Variants in KHDRBS2 observed in about 807,000 individuals in gnomAD.
The protein encoded by KHDRBS2 is KH RNA binding domain containing, signal transduction associated 2, also known as KH domain-containing, RNA-binding, signal transduction-associated protein 2.
A neutral mutation model predicts 44.3 loss-of-function variants in KHDRBS2; 26 were observed. The ratio of observed to expected loss-of-function variants is 0.59; its 90% CI spans 0.43 to 0.81. The LOEUF (loss-of-function observed/expected upper bound fraction) is 0.81, where lower values mean the gene tolerates loss of function less well. Among genes scored for constraint, KHDRBS2 ranks in the 40% least tolerant of loss-of-function variants. KHDRBS2 has a pLI of 0.00. For synonymous variants in KHDRBS2, 194 were observed against 151.1 expected, an observed-to-expected ratio of 1.28 and a Z score of -2.08; for missense variants, 476 against 433.1, an observed-to-expected ratio of 1.10 and a Z score of -0.88.
chr6:62,023,420 A>G (rs1782698380), intron 3 of KHDRBS2, among the ~76,000 whole-genome samples: 2 of 151,654 alleles, frequency 1.3e-5, no homozygotes, highest in Non-Finnish European at 3.0e-5. Flanking sequence ...AATTCATCAT[A>G]CAGACAATTT....
intron 2 of KHDRBS2, among the ~76,000 whole-genome samples, chr6:62,169,741 A>C (rs117759473): frequency 6.6e-6 from 1 of 152,000 alleles, no homozygotes; most frequent in African/African-American, 2.4e-5. Flanking sequence ...CACACTTCTA[A>C]ACTGAGGCAG....
chr6:61,621,640 G>T, the KHDRBS2 span, among the ~76,000 whole-genome samples: 1 of 152,198 alleles, frequency 6.6e-6, no homozygotes, highest in Non-Finnish European at 1.5e-5. Context: ...TTTTATACTT[G>T]TGGTGAACAC....
Position 61,970,525 on chromosome 6 carries a change from T to C in KHDRBS2, c.483+7541A>G, listed in dbSNP as rs531134964. Among the ~76,000 whole-genome samples, 7 of 152,198 alleles carry C rather than the reference T, an allele frequency of 4.6e-5. No individual in the cohort carries two copies. In the South Asian group the frequency reaches 1.2e-3, roughly 27 times the overall value. ...ACATGCAACACTGGATGCAGGAAGA[T>C]GGTAACCTAGCATTTAGAGATTACT... On this transcript the variant is annotated intron_variant, in intron 4 of 8. Transcript: ENST00000281156.
intron 4 of KHDRBS2, among the ~76,000 whole-genome samples, chr6:61,909,621 G>A (rs1805681352): frequency 6.6e-6 from 1 of 151,702 alleles, no homozygotes; most frequent in Non-Finnish European, 1.5e-5. Flanking sequence ...GACACCATAT[G>A]GTGTAAACAG....
intron 4 of KHDRBS2, among the ~76,000 whole-genome samples, chr6:61,918,047 C>T (rs753918839): frequency 3.3e-5 from 5 of 151,844 alleles, no homozygotes; most frequent in African/African-American, 7.3e-5. Flanking sequence ...TATGGCGCAT[C>T]GGCGAATGAT....
the KHDRBS2 span, among the ~76,000 whole-genome samples, chr6:61,584,060 C>T: frequency 6.6e-6 from 1 of 151,518 alleles, no homozygotes; most frequent in Non-Finnish European, 1.5e-5. Context: ...TCTTTGTATC[C>T]TGTGTCATTG....
intron 2 of KHDRBS2, among the ~76,000 whole-genome samples, chr6:62,058,400 C>T (rs1165499125): frequency 6.6e-6 from 1 of 151,886 alleles, no homozygotes; most frequent in Non-Finnish European, 1.5e-5. Flanking sequence ...CATCATATTC[C>T]TGATTTGGGG....
chr6:62,121,601 C>T (rs555864434), intron 2 of KHDRBS2, among the ~76,000 whole-genome samples: 1 of 152,298 alleles, frequency 6.6e-6, no homozygotes, highest in African/African-American at 2.4e-5. Context: ...AAGTAATCTG[C>T]CTTCAGCTGG....
chr6:61,776,930 C>T (rs1426762253), intron 6 of KHDRBS2, among the ~76,000 whole-genome samples: 2 of 152,116 alleles, frequency 1.3e-5, no homozygotes, highest in Admixed American at 6.6e-5. Context: ...AAATGTGGCA[C>T]ATATACACCA....
chr6:61,603,149 C>T, the KHDRBS2 span, among the ~76,000 whole-genome samples: 1 of 152,182 alleles, frequency 6.6e-6, no homozygotes, highest in Non-Finnish European at 1.5e-5. Flanking sequence ...TTGCCTGTTA[C>T]AGCATGGCCT....
At chr6:62,246,387 C>T (rs1835580868) in intron 1 of KHDRBS2, among the ~76,000 whole-genome samples, 1 of 151,776 alleles carries the variant, frequency 6.6e-6, no homozygotes, top group Admixed American at 6.6e-5. Flanking sequence ...ATAAGAAAAA[C>T]ATTCACTTCT....
At chr6:61,572,076 T>G in the KHDRBS2 span, among the ~76,000 whole-genome samples, 1 of 151,940 alleles carries the variant, frequency 6.6e-6, no homozygotes, top group Non-Finnish European at 1.5e-5. Flanking sequence ...ATCAGAAATA[T>G]TAACCAAACA....
chr6:62,063,260 T>C (rs1424456495), intron 2 of KHDRBS2, among the ~76,000 whole-genome samples: 2 of 146,936 alleles, frequency 1.4e-5, no homozygotes, highest in Non-Finnish European at 3.0e-5. Context: ...AAAGAGGGAA[T>C]CCTCCCTAAC....
At chr6:61,865,939 C>T (rs557330415) in intron 6 of KHDRBS2, among the ~76,000 whole-genome samples, 1 of 152,322 alleles carries the variant, frequency 6.6e-6, no homozygotes, top group South Asian at 2.1e-4. Flanking sequence ...TGAGCAGCTC[C>T]AACCCTGTGG....
At chr6:62,284,285 G>A (rs1842177793) in intron 1 of KHDRBS2, among the ~76,000 whole-genome samples, 1 of 152,064 alleles carries the variant, frequency 6.6e-6, no homozygotes, top group East Asian at 1.9e-4. Flanking sequence ...CAATTAGCGG[G>A]TCAGAGAGAA....
the KHDRBS2 span, among the ~76,000 whole-genome samples, chr6:61,655,508 G>T: frequency 8.5e-5 from 13 of 152,052 alleles, no homozygotes; most frequent in African/African-American, 2.7e-4. Context: ...ATCCGCCTTG[G>T]TCTCCCAAAG....
intron 1 of KHDRBS2, among the ~76,000 whole-genome samples, chr6:62,223,374 C>T (rs934182376): frequency 3.9e-5 from 6 of 152,146 alleles, no homozygotes; most frequent in Non-Finnish European, 7.3e-5. Context: ...GGTTGGGGAC[C>T]CTGGGTCAGG....
chr6:61,606,727 T>C, the KHDRBS2 span, among the ~76,000 whole-genome samples: 2 of 152,190 alleles, frequency 1.3e-5, no homozygotes, highest in Non-Finnish European at 2.9e-5. Context: ...GAAGACTGGC[T>C]GAGTGATCTT....
In KHDRBS2 at chr6:61,894,760, T is replaced by C. The variant is rs748541382; in HGVS notation, c.685A>G (p.Thr229Ala). ...GVLTPRGSTV[T>A]RGALPVPPVA... ...GGTGGCACTGGAAGCGCTCCACGGG[T>C]TACAGTGCTTCCCCGAGGGGTGAGA... Residue 229 changes from threonine to alanine, a missense_variant, in exon 6 of 9, where the codon ACC becomes GCC. By Grantham distance (58) the Thr-to-Ala change is moderately conservative. Coordinates refer to ENST00000281156, the MANE Select transcript of KHDRBS2 (RefSeq NM_152688.4). 2 of 1,613,352 alleles carry C rather than the reference T, an allele frequency of 1.2e-6. No individual in the cohort carries two copies. Among genetic ancestry groups the C allele is most frequent in the South Asian group, 2.2e-5 (2 of 90,990 alleles).
Sources: allele counts gnomAD v4.1 joint callset (sites outside exome capture counted in the v4.1 genomes callset), GRCh38; gene constraint gnomAD v4.1.1; transcripts MANE v1.5; gene names NCBI Gene and HGNC (gene_info 2026-07-23, HGNC 2026-07-21).